The following ADGRE5 variants were observed in gnomAD, a reference collection of about 807,000 sequenced individuals.
The protein encoded by ADGRE5 is adhesion G protein-coupled receptor E5.
A neutral mutation model predicts 100.3 loss-of-function variants in ADGRE5; 72 were observed. The observed-to-expected ratio is 0.72, with a 90% CI of 0.59 to 0.87. The LOEUF (loss-of-function observed/expected upper bound fraction) is 0.87, where lower values mean the gene tolerates loss of function less well. Among genes scored for constraint, ADGRE5 ranks in the 40% least tolerant of loss-of-function variants. The probability of loss-of-function intolerance (pLI) is 0.00; values close to 1 mark genes in which losing one functional copy is unlikely to be tolerated. For synonymous variants in ADGRE5, 439 were observed against 447.8 expected, an observed-to-expected ratio of 0.98 and a Z score of 0.25; for missense variants, 959 against 1,094.7, an observed-to-expected ratio of 0.88 and a Z score of 1.75.
rs180781417 is a variant in ADGRE5 at position 14,400,241 on chromosome 19, C to T, written c.898-1145C>T. Among the ~76,000 whole-genome samples, 36 of 152,032 alleles carry T rather than the reference C, an allele frequency of 2.4e-4. No homozygotes were observed. The East Asian group carries it at 3.1e-3, about 13-fold the overall frequency. On this transcript the variant is annotated intron_variant, in intron 9 of 19. Transcript: ENST00000242786. ...TTCACCATGTTAGCCAGGATGGTCT[C>T]GATCTCCTGACCTCGTGATCCACCC...
Position 14,407,061 on chromosome 19 carries a change from GGC to G in ADGRE5, c.2211_2212del (p.Leu738AspfsTer148). On this transcript the variant is annotated frameshift_variant and splice_region_variant, in exon 18 of 20. Coordinates refer to ENST00000242786, the MANE Select transcript of ADGRE5 (RefSeq NM_078481.4). LOFTEE classifies it high-confidence loss of function. ...CACGCTGCAACCCCGCTCCTCGCAG[GGC>G]GCTGACCATCACGGCCATCGCGCAG... is the stretch of plus-strand genomic sequence containing the variant. ...PDMKKLKKAR[A>X]LTITAIAQLF... is the part of the protein sequence containing the mutation. 1 of 1,614,024 alleles carries G rather than the reference GGC, an allele frequency of 6.2e-7. No homozygotes were observed. The highest frequency in any genetic ancestry group is 1.1e-5 in the South Asian group (1 of 91,086).
At chr19:14,383,033 G>A (rs1396268952) in intron 1 of ADGRE5, among the ~76,000 whole-genome samples, 1 of 151,428 alleles carries the variant, frequency 6.6e-6, no homozygotes, top group Non-Finnish European at 1.5e-5. Flanking sequence ...ACCGCGCCCA[G>A]CCAAAAAAAA....
At chr19:14,391,247 G>C in intron 4 of ADGRE5, 168 bp downstream of exon 4, 1 of 828,038 alleles carries the variant, frequency 1.2e-6, no homozygotes, top group Non-Finnish European at 1.9e-6. Context: ...GAGGCAGAGT[G>C]ATGTGAGGAT....
In ADGRE5 at chr19:14,401,779, A is replaced by T. The variant is rs1976022883; in HGVS notation, c.1183+19A>T. 3 of 1,500,152 alleles carry T rather than the reference A, an allele frequency of 2.0e-6. No homozygotes were observed. The highest frequency in any genetic ancestry group is 2.7e-6 in the Non-Finnish European group (3 of 1,112,852). 92.9% of individuals were successfully genotyped at this position (1,500,152 alleles called of 1,614,324 possible). ...GATCCAGGTAGCAGCGGTGGTCTGGAGGGGGAGCCCGTGGGAGAGAGATGG... is the reference window on the plus strand; with the variant it reads ...GATCCAGGTAGCAGCGGTGGTCTGGTGGGGGAGCCCGTGGGAGAGAGATGG... On this transcript the variant is annotated intron_variant, in intron 11 of 19. Coordinates refer to ENST00000242786, the MANE Select transcript of ADGRE5 (RefSeq NM_078481.4). The surrounding 1 kb of genome is among the most constrained non-coding windows in gnomAD (Gnocchi z 4.1).
In ADGRE5 at chr19:14,404,488, A is replaced by G. The variant is rs747354000; in HGVS notation, c.1555A>G (p.Lys519Glu). 6.2e-7 allele frequency: 1 copy of G among 1,612,534 alleles called. No homozygotes were observed. Among genetic ancestry groups the G allele is most frequent in the South Asian group, 1.1e-5 (1 of 91,012 alleles). The change falls in exon 13 of 20, where the codon AAG becomes GAG. Residue 519 changes from lysine (K) to glutamate (E), a missense_variant. Transcript: ENST00000242786. ...CGAGGGCTGCCAGGTGCTGGGCAGCAAGAACGGCAGCACCACCTGCCAATG... is the reference window on the plus strand; with the variant it reads ...CGAGGGCTGCCAGGTGCTGGGCAGCGAGAACGGCAGCACCACCTGCCAATG... ...ATEGCQVLGS[K>E]NGSTTCQCSH... is the part of the protein sequence containing the mutation.
chr19:14,406,396 G>T lies in ADGRE5; in HGVS notation c.1887G>T (p.Trp629Cys), dbSNP rs1248678700. 3 of 1,593,000 alleles carry T rather than the reference G, an allele frequency of 1.9e-6. No homozygotes were observed. The highest frequency in any genetic ancestry group is 2.6e-6 in the Non-Finnish European group (3 of 1,170,478). The change falls in exon 15 of 20, where the codon TGG becomes TGT. Residue 629 changes from tryptophan (W) to cysteine (C), a missense_variant. This residue lies in a region of ADGRE5 where 428 missense variants were observed against 386.2 expected (regional missense o/e 1.11). Transcript: ENST00000242786. The surrounding 1 kb of genome is among the most constrained non-coding windows in gnomAD (Gnocchi z 6.0). ...LHYCFLAAFC[W>C]MSLEGLELYF... ...ACTGTTTCCTGGCCGCCTTCTGCTG[G>T]ATGAGCCTCGAAGGCCTGGAGCTCT...
At position 14,408,007 on chromosome 19, in the gene ADGRE5, C is replaced by T. The variant is rs149296823; in HGVS notation, c.2476C>T (p.Arg826Trp). 3.7e-5 allele frequency: 59 copies of T among 1,613,996 alleles called. No homozygotes were observed. The highest frequency in any genetic ancestry group is 1.6e-4 in the Middle Eastern group (1 of 6,084). The change falls in exon 19 of 20, where the codon CGG becomes TGG. Residue 826 changes from arginine to tryptophan, a missense_variant and splice_region_variant. Physicochemically the swap from Arg to Trp is moderately radical, Grantham distance 101. Around this residue, in one of 6 missense-constraint regions of ADGRE5, gnomAD observed 428 missense variants for 386.2 expected, o/e 1.11. Transcript: ENST00000242786. The part of the protein sequence containing the change: ...TTSGTGHNQT[R>W]ALRASESGI ...GTCTGGCACTGGCCACAATCAGACC[C>T]GGGTAAGGGGCTGCGCCTGGGGCGG...
intron 1 of ADGRE5, among the ~76,000 whole-genome samples, chr19:14,384,119 A>T (rs558988988): frequency 6.6e-6 from 1 of 152,112 alleles, no homozygotes; most frequent in East Asian, 1.9e-4. Flanking sequence ...GTTCTGGCCG[A>T]GGGAGGAACT....
Position 14,401,641 on chromosome 19 carries a change from C to G in ADGRE5, c.1076-12C>G. 1 of 1,602,652 alleles carries G rather than the reference C, an allele frequency of 6.2e-7. No homozygotes were observed. The highest frequency in any genetic ancestry group is 8.5e-7 in the Non-Finnish European group (1 of 1,173,930). On this transcript the variant is annotated splice_polypyrimidine_tract_variant and intron_variant, in intron 10 of 19. Transcript: ENST00000242786. This position sits in a 1 kb window ranked among gnomAD's most constrained non-coding sequence, Gnocchi z 4.1. The stretch of plus-strand genomic sequence containing the variant: ...CTGGGGTCCCTAATCACAACTGCCC[C>G]TCTCCCCTCAGAGCTGACCCTGATG...
chr19:14,388,538 C>G (rs201139435), intron 2 of ADGRE5, 38 bp downstream of exon 2: 1 of 1,560,818 alleles, frequency 6.4e-7, no homozygotes, highest in African/African-American at 1.4e-5. Flanking sequence ...AGTCCACAGC[C>G]AGAGCCTGGG....
intron 1 of ADGRE5, among the ~76,000 whole-genome samples, chr19:14,384,861 C>T (rs981958618): frequency 1.6e-4 from 24 of 151,486 alleles, no homozygotes; most frequent in Non-Finnish European, 3.4e-4. Flanking sequence ...ATTTCTCTAG[C>T]TGTCTTCTTT....
Position 14,397,110 on chromosome 19 carries a change from G to A in ADGRE5, c.512G>A (p.Cys171Tyr), listed in dbSNP as rs764496254. The A allele has an allele frequency of 1.9e-6, 3 of 1,613,998 alleles. No individual in the cohort carries two copies. In the African/African-American group the frequency reaches 4.0e-5, roughly 22 times the overall value. Residue 171 changes from cysteine to tyrosine, a missense_variant, in exon 6 of 20, where the codon TGC (cysteine) becomes TAC (tyrosine). Physicochemically the swap from Cys to Tyr is radical, Grantham distance 194 (BLOSUM62 -2). Around this residue, in one of 6 missense-constraint regions of ADGRE5, gnomAD observed 83 missense variants for 88.8 expected, o/e 0.93. Transcript: ENST00000242786. ...GAATGCACCTCCGGACAAAACCCGT[G>A]CCACAGCTCCACCCACTGCCTCAAC... ...VNECTSGQNPCHSSTHCLNNV... is the reference protein window; with the variant it reads ...VNECTSGQNPYHSSTHCLNNV...
intron 1 of ADGRE5, among the ~76,000 whole-genome samples, chr19:14,385,543 A>T (rs994889851): frequency 4.6e-5 from 7 of 152,120 alleles, no homozygotes; most frequent in African/African-American, 1.7e-4. Flanking sequence ...ATGCCTTGGG[A>T]GGGGGAACCC....
chr19:14,402,434 C>CA (rs375867062), intron 11 of ADGRE5, among the ~76,000 whole-genome samples, 163 bp from the exon 12 acceptor site: 3,648 of 127,668 alleles, frequency 0.029, 47 homozygotes, highest in Non-Finnish European at 0.039. Flanking sequence ...AACTCCGTCT[C>CA]AAAAAAAAAA....
chr19:14,402,988 C>T (rs2146371573), intron 12 of ADGRE5, 126 bp downstream of exon 12: 2 of 649,258 alleles, frequency 3.1e-6, no homozygotes, highest in Middle Eastern at 2.7e-4. Flanking sequence ...CTGATTTGGG[C>T]CTTCCCCAAC....
Position 14,398,132 on chromosome 19 carries a change from C to A in ADGRE5, c.890C>A (p.Thr297Asn), listed in dbSNP as rs980613086. 31 of 1,613,994 alleles carry A rather than the reference C, an allele frequency of 1.9e-5. No individual in the cohort carries two copies. Among genetic ancestry groups the A allele is most frequent in the Non-Finnish European group, 2.5e-5 (29 of 1,179,978 alleles). ...RDSKTSSAEV[T>N]IQNVIKLVDE... is the part of the protein sequence containing the mutation. ...TCCAAGACAAGCTCAGCCGAGGTCA[C>A]CATCCAGGTAAGGGCAGGATGCTGG... The change falls in exon 9 of 20, where the codon ACC becomes AAC. Residue 297 changes from threonine to asparagine, a missense_variant. Transcript: ENST00000242786.
At chr19:14,407,330 G>T (rs1357882707) in intron 18 of ADGRE5, 101 bp downstream of exon 18, 1 of 1,334,514 alleles carries the variant, frequency 7.5e-7, no homozygotes. Flanking sequence ...AGACCAGCCT[G>T]GGCAACATAA....
Position 14,407,063 on chromosome 19 carries a change from C to T in ADGRE5, c.2210C>T (p.Ala737Val), listed in dbSNP as rs138722877. ...PDMKKLKKAR[A>V]LTITAIAQLF... ...CGCTGCAACCCCGCTCCTCGCAGGG[C>T]GCTGACCATCACGGCCATCGCGCAG... The change falls in exon 18 of 20, where the codon GCG becomes GTG. Residue 737 changes from alanine to valine, a missense_variant and splice_region_variant. By Grantham distance (64) the Ala-to-Val change is moderately conservative (BLOSUM62 0). Around this residue, in one of 6 missense-constraint regions of ADGRE5, gnomAD observed 428 missense variants for 386.2 expected, o/e 1.11. Coordinates refer to ENST00000242786, the MANE Select transcript of ADGRE5 (RefSeq NM_078481.4). 6.2e-4 allele frequency: 995 copies of T among 1,613,692 alleles called. 4 individuals carry two copies. In the Admixed American group the frequency reaches 0.014, roughly 23 times the overall value.
chr19:14,398,828 T>G (rs1032457477), intron 9 of ADGRE5, among the ~76,000 whole-genome samples: 7 of 151,376 alleles, frequency 4.6e-5, no homozygotes, highest in South Asian at 2.1e-4. Context: ...GTGTGTTTTT[T>G]TTTGTTTGTT....
Sources: allele counts gnomAD v4.1 joint callset (sites outside exome capture counted in the v4.1 genomes callset), GRCh38; gene constraint gnomAD v4.1.1; regional missense constraint gnomAD v4.1.1; non-coding constraint Gnocchi (gnomAD v3.1); transcripts MANE v1.5; gene names NCBI Gene and HGNC (gene_info 2026-07-23, HGNC 2026-07-21).